Variants in NTM observed in about 807,000 individuals in gnomAD.
The protein encoded by NTM is IgLON family member 2.
A neutral mutation model predicts 42.1 loss-of-function variants in NTM; 13 were observed. The ratio of observed to expected loss-of-function variants is 0.31; its 90% CI spans 0.20 to 0.49. NTM has a LOEUF of 0.49. NTM is among the 20% of genes least tolerant of loss of function. NTM has a pLI of 0.99. For missense variants in NTM, 373 were observed against 452.8 expected, an observed-to-expected ratio of 0.82 and a Z score of 1.60; for synonymous variants, 187 against 179.2, an observed-to-expected ratio of 1.04 and a Z score of -0.35.
chr11:131,443,219 A>G (rs1949767305), intron 1 of NTM, among the ~76,000 whole-genome samples: 1 of 152,186 alleles, frequency 6.6e-6, no homozygotes, highest in Admixed American at 6.5e-5. Context: ...TATAAGTGGT[A>G]GAGCACTGGA....
chr11:131,470,785 G>T (rs924701366), intron 1 of NTM, among the ~76,000 whole-genome samples: 1 of 152,164 alleles, frequency 6.6e-6, no homozygotes, highest in African/African-American at 2.4e-5. Flanking sequence ...GAGGGGAAGG[G>T]AGAGGTGAGA....
intron 2 of NTM, among the ~76,000 whole-genome samples, chr11:132,102,015 A>G (rs1447134656): frequency 1.3e-5 from 2 of 152,186 alleles, no homozygotes; most frequent in Non-Finnish European, 2.9e-5. Context: ...GGAAGGTAGA[A>G]TTGCAATGGA....
At chr11:131,969,853 G>C (rs929337008) in intron 2 of NTM, among the ~76,000 whole-genome samples, 2 of 152,142 alleles carry the variant, frequency 1.3e-5, no homozygotes, top group Non-Finnish European at 2.9e-5. Context: ...GTCTTGCTCT[G>C]TCACCGAGGC....
At chr11:131,911,319 C>T in intron 1 of NTM, 1 of 1,462,626 alleles carries the variant, frequency 6.8e-7, no homozygotes, top group Non-Finnish European at 9.0e-7. Flanking sequence ...GAATATTAGA[C>T]TCGGAGGAGT....
chr11:131,922,760 A>G (rs1276448972), intron 2 of NTM, among the ~76,000 whole-genome samples: 1 of 152,106 alleles, frequency 6.6e-6, no homozygotes, highest in African/African-American at 2.4e-5. Flanking sequence ...ACCATTTCAC[A>G]AGAATTACCT....
chr11:131,911,143 G>A, intron 1 of NTM: 1 of 1,274,620 alleles, frequency 7.8e-7, no homozygotes, highest in Non-Finnish European at 1.0e-6. Flanking sequence ...AACTGCCGCT[G>A]GGAAGAAGCG....
intron 4 of NTM, among the ~76,000 whole-genome samples, chr11:132,239,966 CCCAT>C (rs1004594930): frequency 2.0e-5 from 3 of 151,724 alleles, no homozygotes; most frequent in South Asian, 2.1e-4. Flanking sequence ...CATCCAACCA[CCCAT>C]CCATCCATCC....
chr11:132,296,193 A>G (rs1289225899), intron 4 of NTM, among the ~76,000 whole-genome samples: 8 of 152,184 alleles, frequency 5.3e-5, no homozygotes, highest in Non-Finnish European at 1.0e-4. Flanking sequence ...TAGGCATTTC[A>G]CAGGCAGTTA....
At chr11:131,844,632 ACT>A (rs757045973) in intron 1 of NTM, among the ~76,000 whole-genome samples, 1 of 151,850 alleles carries the variant, frequency 6.6e-6, no homozygotes, top group African/African-American at 2.4e-5. Flanking sequence ...TCTAGGTTTC[ACT>A]TTTTTTGGTT....
chr11:132,078,371 G>A (rs2058625763), intron 2 of NTM, among the ~76,000 whole-genome samples: 1 of 152,188 alleles, frequency 6.6e-6, no homozygotes. Context: ...AGTTTCCCTC[G>A]GTGTGGCTCA....
chr11:132,257,796 AT>A (rs760699155), intron 4 of NTM, among the ~76,000 whole-genome samples: 7 of 152,120 alleles, frequency 4.6e-5, no homozygotes, highest in Non-Finnish European at 1.0e-4. Context: ...CATCCATCTG[AT>A]TTCGAAGCCC....
chr11:131,979,120 T>C (rs1377689727), intron 2 of NTM, among the ~76,000 whole-genome samples: 2 of 152,190 alleles, frequency 1.3e-5, no homozygotes, highest in East Asian at 3.9e-4. Context: ...TCAAACATAT[T>C]TTCTTTAATA....
intron 2 of NTM, among the ~76,000 whole-genome samples, chr11:131,958,125 T>A (rs2061753172): frequency 6.6e-6 from 1 of 152,040 alleles, no homozygotes; most frequent in African/African-American, 2.4e-5. Flanking sequence ...GTAAAATTTT[T>A]ATGAAGTATT....
intron 1 of NTM, among the ~76,000 whole-genome samples, chr11:131,690,201 G>A (rs1017531004): frequency 2.0e-5 from 3 of 152,288 alleles, no homozygotes; most frequent in Admixed American, 1.3e-4. Context: ...AGTATGACAC[G>A]CAGCGAGGCT....
chr11:132,238,353 G>A (rs938182754), intron 4 of NTM, among the ~76,000 whole-genome samples: 1 of 152,164 alleles, frequency 6.6e-6, no homozygotes, highest in Non-Finnish European at 1.5e-5. Flanking sequence ...CCTCTGTTCT[G>A]CTGGTCCCAA....
chr11:132,295,132 T>A (rs1565410021), intron 4 of NTM, among the ~76,000 whole-genome samples: 1 of 151,786 alleles, frequency 6.6e-6, no homozygotes, highest in Admixed American at 6.6e-5. Context: ...TCTGTCTCTC[T>A]CACACACACA....
At chr11:131,546,313 A>G (rs2053937917) in intron 1 of NTM, among the ~76,000 whole-genome samples, 1 of 152,198 alleles carries the variant, frequency 6.6e-6, no homozygotes, top group South Asian at 2.1e-4. Flanking sequence ...GATTGATTTT[A>G]TCTTTCTCTT....
At chr11:131,686,404 T>C (rs907989601) in intron 1 of NTM, among the ~76,000 whole-genome samples, 1 of 151,992 alleles carries the variant, frequency 6.6e-6, no homozygotes, top group Non-Finnish European at 1.5e-5. Flanking sequence ...GGAAAGAAAA[T>C]GGTATTAAGA....
At chr11:131,567,251 G>A (rs1222578246) in intron 1 of NTM, among the ~76,000 whole-genome samples, 1 of 152,116 alleles carries the variant, frequency 6.6e-6, no homozygotes, top group Admixed American at 6.6e-5. Flanking sequence ...AGCACTTAGA[G>A]AGGTCAAGGT....
Sources: allele counts gnomAD v4.1 joint callset (sites outside exome capture counted in the v4.1 genomes callset), GRCh38; gene constraint gnomAD v4.1.1; transcripts MANE v1.5; gene names NCBI Gene and HGNC (gene_info 2026-07-23, HGNC 2026-07-21).